R3HDM2: variants seen among roughly 807,000 people sequenced by gnomAD.
The protein encoded by R3HDM2 is R3H domain containing 2, also known as R3H domain-containing protein 2.
Under a neutral mutation model 124.5 loss-of-function variants are expected in R3HDM2, and 38 were observed. The ratio of observed to expected loss-of-function variants is 0.31; its 90% CI spans 0.24 to 0.40. The LOEUF is 0.40. Among genes scored for constraint, R3HDM2 ranks in the 10% least tolerant of loss-of-function variants. The pLI, the probability that R3HDM2 is intolerant of heterozygous loss-of-function variation, is 1.00. For synonymous variants in R3HDM2, 391 were observed against 448.0 expected, an observed-to-expected ratio of 0.87 and a Z score of 1.61; for missense variants, 869 against 1,236.9, an observed-to-expected ratio of 0.70 and a Z score of 4.46.
chr12:57,290,373 G>T (rs2048333400), intron 11 of R3HDM2, among the ~76,000 whole-genome samples: 1 of 152,152 alleles, frequency 6.6e-6, no homozygotes, highest in Non-Finnish European at 1.5e-5. Context: ...TTACATTAGG[G>T]GGTTAAGAGC....
chr12:57,292,234 G>A (rs1405660649), intron 11 of R3HDM2, among the ~76,000 whole-genome samples: 2 of 152,212 alleles, frequency 1.3e-5, no homozygotes, highest in Admixed American at 6.5e-5. Flanking sequence ...GAGTGAAAGA[G>A]GGTAAGCAGA....
At chr12:57,259,791 G>A (rs973527873) in intron 19 of R3HDM2, among the ~76,000 whole-genome samples, 20 of 152,214 alleles carry the variant, frequency 1.3e-4, no homozygotes, top group African/African-American at 4.6e-4. Context: ...AGAATGGACA[G>A]TCTATTAAAG....
At chr12:57,405,828 T>C (rs529332565) in intron 1 of R3HDM2, among the ~76,000 whole-genome samples, 1 of 152,106 alleles carries the variant, frequency 6.6e-6, no homozygotes. Context: ...CATTTCTCCA[T>C]AAAAGGAACC....
chr12:57,406,480 A>G lies in R3HDM2; in HGVS notation c.-105-10662T>C, dbSNP rs201571247. 2.0e-5 allele frequency among the ~76,000 whole-genome samples: 3 copies of G among 152,190 alleles called. No homozygotes were observed. The East Asian group carries it at 5.8e-4, about 29-fold the overall frequency. ...GAAAATGGTCATAACTGTTAATTAA[A>G]AGACTTAAGCATTTGTCTTTTCTGT... On this transcript the variant is annotated intron_variant, in intron 1 of 23. Transcript: ENST00000402412.
At chr12:57,380,081 A>C (rs980658529) in intron 2 of R3HDM2, among the ~76,000 whole-genome samples, 1 of 152,160 alleles carries the variant, frequency 6.6e-6, no homozygotes, top group Admixed American at 6.6e-5. Context: ...TTAAGCTCCA[A>C]ATGTAATAGG....
chr12:57,308,108 G>A (rs980340899), intron 3 of R3HDM2, among the ~76,000 whole-genome samples: 17 of 149,070 alleles, frequency 1.1e-4, no homozygotes, highest in South Asian at 2.1e-4. Flanking sequence ...AGGCTGGAGT[G>A]CAGTGGGGTG....
intron 14 of R3HDM2, chr12:57,272,485 G>A (rs1364766708): frequency 6.4e-7 from 1 of 1,550,768 alleles, no homozygotes; most frequent in South Asian, 1.2e-5. Context: ...GAGACTGGCA[G>A]AAGGACTTGG....
chr12:57,271,084 G>A (rs2043493149), intron 14 of R3HDM2, among the ~76,000 whole-genome samples: 1 of 152,202 alleles, frequency 6.6e-6, no homozygotes, highest in Admixed American at 6.5e-5. Flanking sequence ...AGTGGATCAT[G>A]GGTAGCTAGG....
At chr12:57,389,061 C>G (rs1022967011) in intron 2 of R3HDM2, among the ~76,000 whole-genome samples, 1 of 152,132 alleles carries the variant, frequency 6.6e-6, no homozygotes, top group African/African-American at 2.4e-5. Context: ...GGACTCATCT[C>G]CTTTGCCTTC....
Position 57,330,465 on chromosome 12 carries a change from T to C in R3HDM2, c.-35-20002A>G, listed in dbSNP as rs146974967. On this transcript the variant is annotated intron_variant, in intron 2 of 23. Transcript: ENST00000402412. ...TTCAAGCGATTCTCCTGCCTCAGCC[T>C]CCTGAGTAGCTGAAATTACAGGCAC... is the stretch of plus-strand genomic sequence containing the variant. Among the ~76,000 whole-genome samples the C allele has an allele frequency of 5.5e-3, 835 of 151,808 alleles. 4 individuals are homozygous for C. Among genetic ancestry groups the C allele is most frequent in the Admixed American group, 9.5e-3 (145 of 15,198 alleles).
At chr12:57,301,653 G>T (rs376226830) in intron 4 of R3HDM2, among the ~76,000 whole-genome samples, 2 of 152,308 alleles carry the variant, frequency 1.3e-5, no homozygotes, top group South Asian at 4.1e-4. Context: ...CCGTCACTAT[G>T]GATCAGGCCA....
rs771972098 is a variant in R3HDM2 at position 57,258,890 on chromosome 12, C to G, written c.2301G>C (p.Gln767His). ...AGACAAGGCTGAGTGCTGCACTCAC[C>G]TGGGGGCTGCTGTCAGGACTGTACA... Reference protein sequence around the residue: ...GDLYSPDSSPQANTQMSSSPV... With the variant: ...GDLYSPDSSPHANTQMSSSPV... The change falls in exon 20 of 24, where the codon CAG (glutamine) becomes CAC (histidine). Residue 767 changes from glutamine to histidine, a missense_variant and splice_region_variant. Transcript: ENST00000402412. 2 of 1,571,188 alleles carry G rather than the reference C, an allele frequency of 1.3e-6. No individual in the cohort carries two copies. Among genetic ancestry groups the G allele is most frequent in the Non-Finnish European group, 1.7e-6 (2 of 1,158,666 alleles).
intron 3 of R3HDM2, 41 bp downstream of exon 3, chr12:57,310,221 GGA>G: frequency 1.6e-6 from 2 of 1,280,364 alleles, no homozygotes; most frequent in Non-Finnish European, 2.0e-6. Context: ...TGTCTCTAAA[GGA>G]AAAAAAAAAA....
At chr12:57,308,613 G>A in intron 3 of R3HDM2, among the ~76,000 whole-genome samples, 1 of 152,056 alleles carries the variant, frequency 6.6e-6, no homozygotes, top group East Asian at 2.0e-4. Flanking sequence ...TTGAACCCGG[G>A]AGGCGGAGGT....
intron 2 of R3HDM2, among the ~76,000 whole-genome samples, chr12:57,312,731 C>G (rs946505218): frequency 7.2e-5 from 11 of 151,884 alleles, no homozygotes; most frequent in Non-Finnish European, 1.5e-4. Flanking sequence ...ATTAGCCTGA[C>G]GTGGTGGTAA....
At chr12:57,383,345 G>C (rs2065185661) in intron 2 of R3HDM2, among the ~76,000 whole-genome samples, 1 of 152,088 alleles carries the variant, frequency 6.6e-6, no homozygotes, top group South Asian at 2.1e-4. Flanking sequence ...CTATTATTTT[G>C]TGTTATTATT....
intron 2 of R3HDM2, among the ~76,000 whole-genome samples, chr12:57,317,188 G>T (rs967718498): frequency 6.7e-6 from 1 of 148,492 alleles, no homozygotes. Flanking sequence ...GGCTTTTTGT[G>T]TTTTTTTTTG....
chr12:57,298,501 C>A (rs2050374490), intron 6 of R3HDM2, among the ~76,000 whole-genome samples: 1 of 152,118 alleles, frequency 6.6e-6, no homozygotes, highest in Non-Finnish European at 1.5e-5. Flanking sequence ...GCAGTCAGGG[C>A]TGAATTTTCC....
intron 2 of R3HDM2, among the ~76,000 whole-genome samples, chr12:57,392,782 A>C (rs2066890617): frequency 6.7e-6 from 1 of 150,092 alleles, no homozygotes; most frequent in Non-Finnish European, 1.5e-5. Flanking sequence ...TTGGGAGCCC[A>C]GCAGTTCAAT....
Sources: gnomAD v4.1 joint callset for allele counts (sites outside exome capture counted in the v4.1 genomes callset) on GRCh38, gnomAD v4.1.1 for gene constraint, MANE v1.5 for transcripts, NCBI Gene and HGNC (gene_info 2026-07-23, HGNC 2026-07-21) for gene names.